NCOR2: variants seen among roughly 807,000 people sequenced by gnomAD.
NCOR2 encodes the protein CTG repeat protein 26.
In NCOR2, 81 loss-of-function variants were observed where a neutral mutation model predicts 262.9. The observed-to-expected ratio is 0.31, with a 90% CI of 0.26 to 0.37. NCOR2 has a LOEUF of 0.37. NCOR2 is among the 10% of genes least tolerant of loss of function. The pLI is 1.00. For synonymous variants in NCOR2, 1,659 were observed against 1,559.3 expected (o/e 1.06, Z -1.51); for missense variants, 3,385 against 3,621.4 (o/e 0.93, Z 1.68).
intron 1 of NCOR2, among the ~76,000 whole-genome samples, chr12:124,518,743 C>T (rs905361582): frequency 6.6e-6 from 1 of 152,260 alleles, no homozygotes; most frequent in Non-Finnish European, 1.5e-5. Flanking sequence ...TTTTATAGCT[C>T]GGCTCTTCGC....
At chr12:124,451,383 T>C (rs1370977646) in intron 6 of NCOR2, among the ~76,000 whole-genome samples, 1 of 152,144 alleles carries the variant, frequency 6.6e-6, no homozygotes, top group South Asian at 2.1e-4. Flanking sequence ...CATGTAACCA[T>C]ACCGGGTAAC....
At position 124,517,318 on chromosome 12, in the gene NCOR2, G is replaced by A. The variant is rs535627413; in HGVS notation, c.-118+18247C>T. On this transcript the variant is annotated intron_variant, in intron 1 of 46. Transcript: ENST00000404621. The surrounding 1 kb of genome is among the most constrained non-coding windows in gnomAD (Gnocchi z 7.6). ...CCATTCCCGCCACCTCCCTATGGCC[G>A]CGGCGCACCCAGACCTCAGGACAAA... Among the ~76,000 whole-genome samples the A allele has an allele frequency of 3.9e-5, 6 of 152,228 alleles. No individual in the cohort carries two copies. The highest frequency in any genetic ancestry group is 1.9e-4 in the East Asian group (1 of 5,184).
chr12:124,380,875 G>A (rs1414089340), intron 17 of NCOR2, among the ~76,000 whole-genome samples: 1 of 152,190 alleles, frequency 6.6e-6, no homozygotes, highest in Non-Finnish European at 1.5e-5. Flanking sequence ...AGTCCCAGGA[G>A]TTACAGTTAA....
At chr12:124,506,771 G>A (rs995596840) in intron 1 of NCOR2, among the ~76,000 whole-genome samples, 1 of 152,216 alleles carries the variant, frequency 6.6e-6, no homozygotes, top group African/African-American at 2.4e-5. Context: ...TCAGAGAGGA[G>A]GCTGGTGTCT....
At chr12:124,455,559 CA>C (rs1052100070) in intron 6 of NCOR2, among the ~76,000 whole-genome samples, 1 of 152,230 alleles carries the variant, frequency 6.6e-6, no homozygotes, top group Non-Finnish European at 1.5e-5. Context: ...TGAGTGGCCT[CA>C]AAAGACGGAC....
At position 124,483,881 on chromosome 12, in the gene NCOR2, A is replaced by G. The variant is rs1336859222; in HGVS notation, c.234-108T>C. 1.2e-5 allele frequency: 15 copies of G among 1,300,610 alleles called. No individual in the cohort carries two copies. The highest frequency in any genetic ancestry group is 1.5e-5 in the African/African-American group (1 of 65,968). 80.6% of individuals were successfully genotyped at this position (1,300,610 alleles called of 1,614,324 possible). Reference sequence around the variant, plus strand: ...GCATCTACTGCGCGCCGTGCTCTGTATGATCCTGCCAGGAAGGTGCTCACA... The same window carrying G: ...GCATCTACTGCGCGCCGTGCTCTGTGTGATCCTGCCAGGAAGGTGCTCACA... On this transcript the variant is annotated intron_variant, in intron 2 of 46. Coordinates refer to ENST00000405201, the Ensembl canonical transcript of NCOR2. This position sits in a 1 kb window ranked among gnomAD's most constrained non-coding sequence, Gnocchi z 6.3.
chr12:124,556,283 G>A (rs2051880948), intron 1 of NCOR2: 1 of 152,360 alleles, frequency 6.6e-6, no homozygotes, highest in Non-Finnish European at 1.5e-5. Context: ...TCAGTCACAG[G>A]GATGGATGGA....
rs867657595 is a variant in NCOR2 at position 124,393,839 on chromosome 12, A to G, written c.1876+4280T>C. Among the ~76,000 whole-genome samples the G allele has an allele frequency of 2.0e-5, 3 of 152,358 alleles. No homozygotes were observed. The Middle Eastern group carries it at 0.01, about 518-fold the overall frequency. ...GAGATAAAGTGACTTCATACACACA[A>G]AGCTTCCAGCAGTGCCCAGCACGCA... On this transcript the variant is annotated intron_variant, in intron 16 of 46. Coordinates refer to ENST00000405201, the Ensembl canonical transcript of NCOR2.
chr12:124,327,835 G>A (rs1015129846), intron 44 of NCOR2, among the ~76,000 whole-genome samples: 5 of 152,034 alleles, frequency 3.3e-5, no homozygotes, highest in African/African-American at 4.8e-5. Context: ...CTGCTGGGTG[G>A]TGATAAAAGG....
chr12:124,420,936 G>A (rs2043167178), intron 12 of NCOR2, among the ~76,000 whole-genome samples: 2 of 152,328 alleles, frequency 1.3e-5, no homozygotes, highest in African/African-American at 2.4e-5. Context: ...CGCCAGGGGG[G>A]CTCCCAGGCG....
At chr12:124,520,323 C>CT (rs1201521962) in intron 1 of NCOR2, among the ~76,000 whole-genome samples, 2 of 152,204 alleles carry the variant, frequency 1.3e-5, no homozygotes, top group Non-Finnish European at 2.9e-5. Context: ...CAAGACCAGG[C>CT]GGGACCATGA....
rs749782239 is a variant in NCOR2 at position 124,419,938 on chromosome 12, C to T, written c.1482+19G>A. On this transcript the variant is annotated intron_variant, in intron 13 of 46. Transcript: ENST00000405201. Reference sequence around the variant, plus strand: ...TGCAGGGAGCCTGCAAGGACAGTCACCCCCACCTTGCCTCTTACCTGGCTC... The same window carrying T: ...TGCAGGGAGCCTGCAAGGACAGTCATCCCCACCTTGCCTCTTACCTGGCTC... 36 of 1,607,264 alleles carry T rather than the reference C, an allele frequency of 2.2e-5. No homozygotes were observed. Among genetic ancestry groups the T allele is most frequent in the Non-Finnish European group, 2.8e-5 (33 of 1,174,214 alleles).
At chr12:124,558,652 T>G (rs1397385734) in intron 1 of NCOR2, among the ~76,000 whole-genome samples, 5 of 152,128 alleles carry the variant, frequency 3.3e-5, no homozygotes, top group Admixed American at 3.3e-4. Flanking sequence ...ATAGGTGGGA[T>G]CCGAGGTCCC....
chr12:124,529,640 G>GAAA (rs1566029584), intron 1 of NCOR2: 1 of 152,256 alleles, frequency 6.6e-6, no homozygotes, highest in African/African-American at 2.4e-5. Context: ...CAGAGCTAGC[G>GAAA]TTGGCAGACA....
At chr12:124,448,787 G>A (rs1025209438) in intron 7 of NCOR2, among the ~76,000 whole-genome samples, 7 of 152,156 alleles carry the variant, frequency 4.6e-5, no homozygotes, top group African/African-American at 1.7e-4. Context: ...CAGGAACGGG[G>A]AGCTCACCAC....
chr12:124,447,579 AATT>A (rs1293209547), intron 7 of NCOR2, among the ~76,000 whole-genome samples: 7 of 152,360 alleles, frequency 4.6e-5, no homozygotes, highest in Non-Finnish European at 8.8e-5. Context: ...GGCTATCAAA[AATT>A]ATTATGTCAA....
In NCOR2 at chr12:124,483,808, G is replaced by T; in HGVS notation, c.234-35C>A. 1 of 1,535,242 alleles carries T rather than the reference G, an allele frequency of 6.5e-7. No individual in the cohort carries two copies. Among genetic ancestry groups the T allele is most frequent in the African/African-American group, 1.4e-5 (1 of 72,824 alleles). Reference sequence around the variant, plus strand: ...GTGAGGCATCCAACGTCACATAGGAGATTGCGGCTCTGAGAACTCCCGAGG... The same window carrying T: ...GTGAGGCATCCAACGTCACATAGGATATTGCGGCTCTGAGAACTCCCGAGG... On this transcript the variant is annotated intron_variant, in intron 2 of 46. Coordinates refer to ENST00000405201, the Ensembl canonical transcript of NCOR2. The surrounding 1 kb of genome is among the most constrained non-coding windows in gnomAD (Gnocchi z 6.3).
intron 42 of NCOR2, 45 bp downstream of exon 44, chr12:124,333,085 G>A: frequency 6.4e-7 from 1 of 1,553,218 alleles, no homozygotes; most frequent in Non-Finnish European, 8.7e-7. Context: ...ATGGGCAAGG[G>A]ATACCAGAGC....
intron 1 of NCOR2, among the ~76,000 whole-genome samples, chr12:124,525,684 G>A (rs898052289): frequency 1.3e-5 from 2 of 152,242 alleles, no homozygotes; most frequent in African/African-American, 4.8e-5. Flanking sequence ...AGAGATCCAG[G>A]CTGGCTGCGG....
Sources: gnomAD v4.1 joint callset for allele counts (sites outside exome capture counted in the v4.1 genomes callset) on GRCh38, gnomAD v4.1.1 for gene constraint, Gnocchi (gnomAD v3.1) non-coding constraint, MANE v1.5 for transcripts, NCBI Gene and HGNC (gene_info 2026-07-23, HGNC 2026-07-21) for gene names.